The following TENM1 variants were observed in gnomAD, a reference collection of about 807,000 sequenced individuals.
TENM1 encodes the protein teneurin-1.
Under a neutral mutation model 174.8 loss-of-function variants are expected in TENM1, and 35 were observed. The observed-to-expected ratio is 0.20, with a 90% CI of 0.15 to 0.27. The LOEUF (loss-of-function observed/expected upper bound fraction) is 0.27. Ranked by LOEUF, TENM1 falls within the 10% of genes least tolerant of loss-of-function variation. The pLI is 1.00. For missense variants in TENM1, 1,633 were observed against 2,130.1 expected, an observed-to-expected ratio of 0.77 and a Z score of 4.59; for synonymous variants, 781 against 798.7, an observed-to-expected ratio of 0.98 and a Z score of 0.37.
chrX:124,732,512 C>T (rs1417659562), intron 4 of TENM1, among the ~76,000 whole-genome samples: 2 of 111,545 alleles, frequency 1.8e-5, no homozygotes, highest in East Asian at 2.8e-4. Flanking sequence ...TTTCTCTCCC[C>T]GTAGCCTCAG....
chrX:124,605,037 C>T (rs1484769220), intron 11 of TENM1, among the ~76,000 whole-genome samples: 2 of 106,693 alleles, frequency 1.9e-5, no homozygotes, highest in African/African-American at 6.8e-5. Context: ...GTAGGTTTCC[C>T]TTGCTTGGGA....
At chrX:124,507,255 T>G (rs1461163642) in intron 18 of TENM1, among the ~76,000 whole-genome samples, 1 of 111,403 alleles carries the variant, frequency 9.0e-6, no homozygotes, top group Non-Finnish European at 1.9e-5. Context: ...GTGCATATAT[T>G]GAGAAGGCAG....
At chrX:124,384,434 A>G in exon 30 of TENM1, 2 of 1,211,086 alleles carry the variant, frequency 1.7e-6, no homozygotes, top group Non-Finnish European at 2.2e-6. Context: ...AACAGTCTGA[A>G]GTTGCCCATC....
At chrX:125,093,830 A>G in the TENM1 span, among the ~76,000 whole-genome samples, 1 of 111,855 alleles carries the variant, frequency 8.9e-6, no homozygotes, top group Non-Finnish European at 1.9e-5. Context: ...TCTGGGAGGG[A>G]CCAAGTCATT....
At chrX:124,865,328 A>G (rs955982593) in intron 3 of TENM1, among the ~76,000 whole-genome samples, 1 of 112,365 alleles carries the variant, frequency 8.9e-6, no homozygotes, top group African/African-American at 3.2e-5. Context: ...AGTAAGTACA[A>G]TAAGATATAA....
At chrX:124,983,581 C>G in the TENM1 span, among the ~76,000 whole-genome samples, 2 of 111,222 alleles carry the variant, frequency 1.8e-5, no homozygotes, top group African/African-American at 6.5e-5. Flanking sequence ...AAAATTTTGA[C>G]AAAAGGATAG....
chrX:124,448,426 T>C (rs1238100437), intron 23 of TENM1, among the ~76,000 whole-genome samples: 1 of 112,024 alleles, frequency 8.9e-6, no homozygotes, highest in Non-Finnish European at 1.9e-5. Context: ...CCTCTAGTGT[T>C]ATTTTGCTTC....
At chrX:124,614,681 G>A (rs1486564386) in intron 11 of TENM1, among the ~76,000 whole-genome samples, 2 of 112,305 alleles carry the variant, frequency 1.8e-5, no homozygotes, top group Non-Finnish European at 3.8e-5. Flanking sequence ...TCAGGAGTTC[G>A]AGATGAGCCT....
At chrX:124,808,504 T>C (rs2055674846) in intron 3 of TENM1, among the ~76,000 whole-genome samples, 1 of 112,041 alleles carries the variant, frequency 8.9e-6, no homozygotes. Context: ...ATTTAGAACA[T>C]TTCATCTGAC....
chrX:124,532,399 A>C (rs1210791572), intron 15 of TENM1, among the ~76,000 whole-genome samples: 1 of 111,712 alleles, frequency 9.0e-6, no homozygotes, highest in Non-Finnish European at 1.9e-5. Flanking sequence ...TGAAGGTCCA[A>C]GCTGGTGAGT....
At chrX:125,179,642 A>G in the TENM1 span, among the ~76,000 whole-genome samples, 1 of 110,789 alleles carries the variant, frequency 9.0e-6, no homozygotes, top group African/African-American at 3.3e-5. Context: ...TCTACATAGC[A>G]TATCTCAAAT....
chrX:124,988,356 G>A, the TENM1 span, among the ~76,000 whole-genome samples: 1 of 111,729 alleles, frequency 9.0e-6, no homozygotes, highest in African/African-American at 3.2e-5. Flanking sequence ...AAAATTGACA[G>A]AACTGGCACA....
chrX:125,149,636 T>A, the TENM1 span, among the ~76,000 whole-genome samples: 3 of 112,050 alleles, frequency 2.7e-5, no homozygotes, highest in East Asian at 5.6e-4. Context: ...ATTAAGTATA[T>A]ATTTAAGGTA....
chrX:124,927,658 G>A (rs2058110933), intron 1 of TENM1, among the ~76,000 whole-genome samples: 1 of 111,387 alleles, frequency 9.0e-6, no homozygotes, highest in South Asian at 3.8e-4. Flanking sequence ...AGAATCCCCC[G>A]AGGAGCTCTG....
At chrX:124,595,780 G>A (rs779013330) in intron 11 of TENM1, among the ~76,000 whole-genome samples, 2 of 111,532 alleles carry the variant, frequency 1.8e-5, no homozygotes, top group South Asian at 3.7e-4. Flanking sequence ...AAAGCACTCC[G>A]ATTATACTTT....
the TENM1 span, among the ~76,000 whole-genome samples, chrX:125,137,216 A>AGTCTAAG: frequency 2.1e-4 from 23 of 111,316 alleles, no homozygotes; most frequent in African/African-American, 6.5e-4. Flanking sequence ...CCCAATAAGT[A>AGTCTAAG]GTCTAAGTGA....
At chrX:124,664,546 A>AAAAAAAAAAAAAC in intron 6 of TENM1, among the ~76,000 whole-genome samples, 1 of 101,618 alleles carries the variant, frequency 9.8e-6, no homozygotes, top group Non-Finnish European at 2.1e-5. Flanking sequence ...AAAAAAAAAA[A>AAAAAAAAAAAAAC]AAAAAAAAAA....
intron 4 of TENM1, among the ~76,000 whole-genome samples, chrX:124,729,659 G>C (rs1190987904): frequency 8.9e-6 from 1 of 112,353 alleles, no homozygotes; most frequent in Non-Finnish European, 1.9e-5. Flanking sequence ...GGAGGGCTCA[G>C]GGCAGGGCCC....
the TENM1 span, among the ~76,000 whole-genome samples, chrX:125,018,658 A>G: frequency 8.9e-6 from 1 of 111,781 alleles, no homozygotes; most frequent in Non-Finnish European, 1.9e-5. Flanking sequence ...CTTAGAGATT[A>G]TGAAACTGCA....
Sources: allele counts gnomAD v4.1 joint callset (sites outside exome capture counted in the v4.1 genomes callset), GRCh38; gene constraint gnomAD v4.1.1; transcripts MANE v1.5; gene names NCBI Gene and HGNC (gene_info 2026-07-23, HGNC 2026-07-21).